Variants in GRID2 observed in about 807,000 individuals in gnomAD.
GRID2 encodes glutamate receptor ionotropic, delta-2.
Under a neutral mutation model 114.8 loss-of-function variants are expected in GRID2, and 33 were observed. The observed-to-expected ratio is 0.29, with a 90% confidence interval of 0.22 to 0.38. GRID2 has a LOEUF of 0.38. Ranked by LOEUF, GRID2 falls within the 10% of genes least tolerant of loss-of-function variation. The probability of loss-of-function intolerance (pLI) is 1.00; values close to 1 mark genes in which losing one functional copy is unlikely to be tolerated. For synonymous variants in GRID2, 505 were observed against 449.9 expected (o/e 1.12, Z -1.55); for missense variants, 1,184 against 1,257.7 (o/e 0.94, Z 0.89).
intron 4 of GRID2, among the ~76,000 whole-genome samples, chr4:93,156,869 G>A (rs895666203): frequency 2.9e-4 from 44 of 151,692 alleles, no homozygotes; most frequent in African/African-American, 9.9e-4. Context: ...CAGGAAGCAA[G>A]TATGAAGTGA....
At chr4:93,716,021 A>T (rs964794878) in intron 14 of GRID2, among the ~76,000 whole-genome samples, 1 of 152,144 alleles carries the variant, frequency 6.6e-6, no homozygotes, top group Non-Finnish European at 1.5e-5. Flanking sequence ...ATCAAGGGGA[A>T]TGCTTCCAGC....
At chr4:92,549,932 T>C (rs1726491353) in intron 1 of GRID2, among the ~76,000 whole-genome samples, 1 of 152,126 alleles carries the variant, frequency 6.6e-6, no homozygotes, top group African/African-American at 2.4e-5. Context: ...AGCTTTTTGG[T>C]AGGGTAAAAC....
intron 11 of GRID2, among the ~76,000 whole-genome samples, chr4:93,470,383 T>C (rs921403356): frequency 6.6e-6 from 1 of 152,114 alleles, no homozygotes; most frequent in Non-Finnish European, 1.5e-5. Context: ...GAACAGTAAT[T>C]GCAGAGGTCA....
At chr4:92,331,523 TAGGAA>T (rs1726889583) in intron 1 of GRID2, among the ~76,000 whole-genome samples, 1 of 152,074 alleles carries the variant, frequency 6.6e-6, no homozygotes, top group Non-Finnish European at 1.5e-5. Flanking sequence ...AATAGAAAGA[TAGGAA>T]AGGAGGAAGG....
intron 14 of GRID2, among the ~76,000 whole-genome samples, chr4:93,685,897 G>C (rs1214096116): frequency 2.0e-5 from 3 of 151,884 alleles, no homozygotes; most frequent in Non-Finnish European, 4.4e-5. Context: ...ATTTCTGTAT[G>C]TTCTCAGCCT....
chr4:92,745,769 A>T (rs2149334723), intron 2 of GRID2, among the ~76,000 whole-genome samples: 1 of 152,208 alleles, frequency 6.6e-6, no homozygotes, highest in African/African-American at 2.4e-5. Flanking sequence ...GTTTAGATAT[A>T]TTGGGCTTGG....
At chr4:92,582,436 T>TTA (rs1429381327) in intron 1 of GRID2, among the ~76,000 whole-genome samples, 5 of 151,802 alleles carry the variant, frequency 3.3e-5, no homozygotes, top group Non-Finnish European at 7.4e-5. Flanking sequence ...ATTTACATCT[T>TTA]TATATATATT....
At chr4:92,767,765 G>C (rs1032211882) in intron 2 of GRID2, among the ~76,000 whole-genome samples, 1 of 151,924 alleles carries the variant, frequency 6.6e-6, no homozygotes, top group Non-Finnish European at 1.5e-5. Flanking sequence ...TTTCAAGCCA[G>C]GCACAGTATG....
intron 6 of GRID2, among the ~76,000 whole-genome samples, chr4:93,219,459 C>A (rs1744624576): frequency 1.3e-5 from 2 of 152,084 alleles, no homozygotes; most frequent in South Asian, 4.1e-4. Context: ...CCTGTCAAAC[C>A]CACAGATGGA....
chr4:92,926,624 G>T (rs972468328), intron 2 of GRID2, among the ~76,000 whole-genome samples: 5 of 151,722 alleles, frequency 3.3e-5, no homozygotes, highest in African/African-American at 1.2e-4. Flanking sequence ...CAAGCCTTTT[G>T]GTAAAATAGC....
chr4:92,431,288 A>G (rs898611998), intron 1 of GRID2, among the ~76,000 whole-genome samples: 3 of 152,026 alleles, frequency 2.0e-5, no homozygotes, highest in Admixed American at 6.6e-5. Context: ...ATCTATCCCC[A>G]GTTTTTTGAT....
At chr4:92,756,188 T>C (rs944016823) in intron 2 of GRID2, among the ~76,000 whole-genome samples, 1 of 152,168 alleles carries the variant, frequency 6.6e-6, no homozygotes, top group African/African-American at 2.4e-5. Context: ...AGTGAGCACA[T>C]GGGATATTTG....
intron 13 of GRID2, among the ~76,000 whole-genome samples, chr4:93,590,220 C>T (rs13128739): frequency 0.15 from 21,239 of 139,732 alleles, 2,197 homozygotes; most frequent in Middle Eastern, 0.28. Context: ...CCATCTTGAA[C>T]TGATTTTTGT....
At chr4:92,762,336 G>A (rs1738058310) in intron 2 of GRID2, among the ~76,000 whole-genome samples, 1 of 151,868 alleles carries the variant, frequency 6.6e-6, no homozygotes, top group Non-Finnish European at 1.5e-5. Flanking sequence ...TGAATGTAAT[G>A]CATTTCTTCC....
At chr4:93,619,064 T>G (rs996932287) in intron 13 of GRID2, among the ~76,000 whole-genome samples, 1 of 152,208 alleles carries the variant, frequency 6.6e-6, no homozygotes, top group Admixed American at 6.5e-5. Context: ...AAGTTGATGT[T>G]TATTTTAAAT....
chr4:92,976,836 C>T (rs190441104), intron 2 of GRID2, among the ~76,000 whole-genome samples: 126 of 152,132 alleles, frequency 8.3e-4, no homozygotes, highest in Non-Finnish European at 1.5e-3. Flanking sequence ...TAAGCAAAAA[C>T]TCTCAGTATT....
chr4:92,313,129 G>T (rs974487387), intron 1 of GRID2, among the ~76,000 whole-genome samples: 3 of 150,144 alleles, frequency 2.0e-5, no homozygotes, highest in Non-Finnish European at 4.4e-5. Flanking sequence ...GTGTATATGA[G>T]ATGGAATACT....
intron 9 of GRID2, among the ~76,000 whole-genome samples, chr4:93,396,278 T>C (rs954681332): frequency 1.3e-5 from 2 of 152,074 alleles, no homozygotes; most frequent in African/African-American, 4.8e-5. Context: ...AATTCTGTCT[T>C]GATAGAACTT....
intron 2 of GRID2, among the ~76,000 whole-genome samples, chr4:92,907,433 C>A (rs1325250137): frequency 6.6e-6 from 1 of 151,904 alleles, no homozygotes; most frequent in Non-Finnish European, 1.5e-5. Context: ...TTTTTTGAGA[C>A]AGATATTCGC....
Sources: gnomAD v4.1 joint callset for allele counts (sites outside exome capture counted in the v4.1 genomes callset) on GRCh38, gnomAD v4.1.1 for gene constraint, MANE v1.5 for transcripts, NCBI Gene and HGNC (gene_info 2026-07-23, HGNC 2026-07-21) for gene names.